The following CHRDL1 variants were observed in gnomAD, a reference collection of about 807,000 sequenced individuals.
CHRDL1 encodes the protein chordin-like protein 1.
CHRDL1 carries 19 observed loss-of-function variants against 40.9 expected under a neutral mutation model. The observed-to-expected ratio is 0.46, with a 90% CI of 0.32 to 0.68. The LOEUF (loss-of-function observed/expected upper bound fraction) is 0.68, where lower values mean the gene tolerates loss of function less well. CHRDL1 is among the 30% of genes least tolerant of loss of function. CHRDL1 has a pLI of 0.03. For missense variants in CHRDL1, 329 were observed against 352.1 expected (o/e 0.93, Z 0.53); for synonymous variants, 136 against 123.4 (o/e 1.10, Z -0.68).
In CHRDL1 at chrX:110,776,114, CAA is replaced by C. The variant is rs750953192; in HGVS notation, c.95-13309_95-13308del. On this transcript the variant is annotated intron_variant, in intron 2 of 11. Transcript: ENST00000372042. The stretch of plus-strand genomic sequence containing the variant: ...ATATCACTGCTATTTTTATTTTGAA[CAA>C]ACTGTCCTTTATTATGTCAATTAAG... Among the ~76,000 whole-genome samples, 4 of 112,033 alleles carry C rather than the reference CAA, an allele frequency of 3.6e-5. 1 individual carries two copies. The highest frequency in any genetic ancestry group is 7.6e-5 in the Non-Finnish European group (4 of 52,923).
chrX:110,706,597 G>T (rs1465591881), intron 6 of CHRDL1, among the ~76,000 whole-genome samples: 2 of 111,552 alleles, frequency 1.8e-5, no homozygotes, highest in Non-Finnish European at 3.8e-5. Flanking sequence ...GGCTTGAGCA[G>T]GTCAGAGAGG....
At chrX:110,699,431 T>C (rs769048291) in intron 7 of CHRDL1, among the ~76,000 whole-genome samples, 4 of 111,996 alleles carry the variant, frequency 3.6e-5, no homozygotes, top group Non-Finnish European at 7.5e-5. Flanking sequence ...TGCCTCATAT[T>C]CAATCCTTGC....
intron 4 of CHRDL1, among the ~76,000 whole-genome samples, chrX:110,736,931 T>C (rs1436559933): frequency 8.9e-6 from 1 of 111,929 alleles, no homozygotes; most frequent in African/African-American, 3.3e-5. Flanking sequence ...CAATTATAGA[T>C]GAGGAAACAA....
At chrX:110,720,495 A>G (rs775324732) in intron 5 of CHRDL1, among the ~76,000 whole-genome samples, 10 of 111,958 alleles carry the variant, frequency 8.9e-5, no homozygotes, top group Non-Finnish European at 1.7e-4. Flanking sequence ...CTAAATTTCT[A>G]TCTTTCAAAT....
At position 110,792,084 on chromosome X, in the gene CHRDL1, T is replaced by C. The variant is rs1415710641; in HGVS notation, c.94+4A>G. ...GTATTATTTTCCAAATGCAAGACACTTACGTTTTACTTGCTCTGTTTTGCC... is the reference window on the plus strand; with the variant it reads ...GTATTATTTTCCAAATGCAAGACACCTACGTTTTACTTGCTCTGTTTTGCC... On this transcript the variant is annotated splice_donor_region_variant and intron_variant, in intron 2 of 11. Coordinates refer to ENST00000372042, the MANE Select transcript of CHRDL1 (RefSeq NM_001143981.2). 9.0e-7 allele frequency: 1 copy of C among 1,109,195 alleles called. No individual in the cohort carries two copies. Among genetic ancestry groups the C allele is most frequent in the Admixed American group, 2.3e-5 (1 of 42,658 alleles). The allele number at this position is 1,109,195 out of a possible 1,213,427, so 91.4% of individuals were successfully genotyped here.
chrX:110,773,297 AATATT>A (rs1388759391), intron 2 of CHRDL1, among the ~76,000 whole-genome samples: 1 of 111,857 alleles, frequency 8.9e-6, no homozygotes, highest in African/African-American at 3.2e-5. Context: ...TTTAGCTCAA[AATATT>A]TTAAAATTTC....
intron 4 of CHRDL1, among the ~76,000 whole-genome samples, chrX:110,753,195 T>C (rs756595085): frequency 8.9e-6 from 1 of 112,180 alleles, no homozygotes; most frequent in South Asian, 3.7e-4. Flanking sequence ...AAGTGGTCTA[T>C]GCATAATAAT....
In CHRDL1 at chrX:110,762,678, G is replaced by A. The variant is rs758067829; in HGVS notation, c.207+17C>T. ...TGAGGAGCAAACTGGGAAATCACAT[G>A]TCATGAGAGATTGTACCTCTGAGCA... On this transcript the variant is annotated intron_variant, in intron 3 of 11. Coordinates refer to ENST00000372042, the MANE Select transcript of CHRDL1 (RefSeq NM_001143981.2). 1.0e-6 allele frequency: 1 copy of A among 982,735 alleles called. No individual in the cohort carries two copies. The highest frequency in any genetic ancestry group is 2.0e-5 in the South Asian group (1 of 49,577). The allele number at this position is 982,735 out of a possible 1,213,427, so 81.0% of individuals were successfully genotyped here.
Position 110,712,097 on chromosome X carries a change from G to A in CHRDL1, c.541+7738C>T, listed in dbSNP as rs773390148. 5.4e-5 allele frequency among the ~76,000 whole-genome samples: 6 copies of A among 111,810 alleles called. No homozygotes were observed. In the South Asian group the frequency reaches 2.3e-3, roughly 42 times the overall value. On this transcript the variant is annotated intron_variant, in intron 6 of 11. Transcript: ENST00000372042. ...AAATAAACCAGTCAGCATGATATAT[G>A]ATTAATATTATGTTATGCCAGGGGA...
At position 110,689,833 on chromosome X, in the gene CHRDL1, CTA is replaced by C. The variant is rs1157341891; in HGVS notation, c.779-1032_779-1031del. Among the ~76,000 whole-genome samples the C allele has an allele frequency of 8.1e-5, 2 of 24,618 alleles. 1 individual carries two copies. The highest frequency in any genetic ancestry group is 1.4e-4 in the Non-Finnish European group (2 of 14,673). The allele number at this position is 24,618 out of a possible 115,157, so 21.4% of individuals were successfully genotyped here. A position where few individuals can be genotyped will look rare whatever the true frequency, so the allele number is the denominator to read the frequency against. ...TATATATATCTATATATCTATATAT[CTA>C]TATATATCTATATATCTATATATAT... On this transcript the variant is annotated intron_variant, in intron 8 of 11. Coordinates refer to ENST00000372042, the MANE Select transcript of CHRDL1 (RefSeq NM_001143981.2).
In CHRDL1 at chrX:110,674,457, C is replaced by CCACACACACA. The variant is rs72056903; in HGVS notation, c.*1764_*1773dup. 1.3e-3 allele frequency: 102 copies of CCACACACACA among 78,924 alleles called. No homozygotes were observed. Among genetic ancestry groups the CCACACACACA allele is most frequent in the African/African-American group, 3.5e-3 (68 of 19,226 alleles). 6.5% of individuals were successfully genotyped at this position (78,924 alleles called of 1,213,427 possible). On this transcript the variant is annotated 3_prime_UTR_variant, in exon 12 of 12. Coordinates refer to ENST00000372042, the MANE Select transcript of CHRDL1 (RefSeq NM_001143981.2). ...GCCGCATAACACCTTCCCCCCTTTA[C>CCACACACACA]CACACACACACACACACACACACAC...
intron 6 of CHRDL1, among the ~76,000 whole-genome samples, chrX:110,706,319 C>A (rs1053176187): frequency 2.7e-5 from 3 of 111,657 alleles, no homozygotes; most frequent in African/African-American, 9.8e-5. Flanking sequence ...TGAGAAGCAA[C>A]AAGATATAAT....
chrX:110,715,765 C>T (rs1419241785), intron 6 of CHRDL1, among the ~76,000 whole-genome samples: 1 of 112,429 alleles, frequency 8.9e-6, no homozygotes, highest in East Asian at 2.8e-4. Context: ...TAATATCAGC[C>T]TAACAGCTGG....
intron 3 of CHRDL1, among the ~76,000 whole-genome samples, chrX:110,761,034 C>T (rs920288702): frequency 9.0e-6 from 1 of 111,702 alleles, no homozygotes; most frequent in Non-Finnish European, 1.9e-5. Flanking sequence ...ATGATAAGGA[C>T]AACAATGATG....
chrX:110,679,380 A>G lies in CHRDL1; in HGVS notation c.1202T>C (p.Phe401Ser). 1 of 1,210,059 alleles carries G rather than the reference A, an allele frequency of 8.3e-7. No homozygotes were observed. The highest frequency in any genetic ancestry group is 3.0e-5 in the East Asian group (1 of 33,822). ...CAGCTTGAAGTGAGGAAGCTCCTCA[A>G]ACATCCTCTTGGAGATCTTCTCAAT... ...FHIEKISKRM[F>S]EELPHFKLVT... The change falls in exon 11 of 12, where the codon TTT (phenylalanine) becomes TCT (serine). Residue 401 changes from phenylalanine to serine, a missense_variant. By Grantham distance (155) the Phe-to-Ser change is radical. Coordinates refer to ENST00000372042, the MANE Select transcript of CHRDL1 (RefSeq NM_001143981.2).
intron 6 of CHRDL1, among the ~76,000 whole-genome samples, chrX:110,703,048 C>G (rs2070548626): frequency 8.9e-6 from 1 of 112,044 alleles, no homozygotes; most frequent in African/African-American, 3.2e-5. Context: ...TCTTAGACCA[C>G]CTCTGTATCT....
rs762436365 is a variant in CHRDL1, at chrX:110,794,064, T to TTTGTA, written c.-35+1675_-35+1679dup. 2.0e-4 allele frequency among the ~76,000 whole-genome samples: 22 copies of TTTGTA among 112,084 alleles called. No individual in the cohort carries two copies. The South Asian group carries it at 6.4e-3, about 33-fold the overall frequency. On this transcript the variant is annotated intron_variant, in intron 1 of 11. Transcript: ENST00000372042. ...ATTTACAAGATCCTGAAGTCCTGCC[T>TTTGTA]TTGTATTCTGTGCAGAAATATGAAC...
chrX:110,698,419 A>T (rs186451551), intron 7 of CHRDL1, among the ~76,000 whole-genome samples: 6 of 111,797 alleles, frequency 5.4e-5, no homozygotes, highest in African/African-American at 2.0e-4. Flanking sequence ...TGCCAGGTAT[A>T]TATTTTTCCA....
At chrX:110,743,580 A>G (rs1036533247) in intron 4 of CHRDL1, among the ~76,000 whole-genome samples, 12 of 112,281 alleles carry the variant, frequency 1.1e-4, no homozygotes, top group Admixed American at 1.0e-3. Context: ...GATCAATGAG[A>G]GTCAGCATTG....
Sources: gnomAD v4.1 joint callset for allele counts (sites outside exome capture counted in the v4.1 genomes callset) on GRCh38, gnomAD v4.1.1 for gene constraint, MANE v1.5 for transcripts, NCBI Gene and HGNC (gene_info 2026-07-23, HGNC 2026-07-21) for gene names.